Variants in RUBCNL observed in about 807,000 individuals in gnomAD.
RUBCNL encodes the protein rubicon like autophagy enhancer, also known as protein associated with UVRAG as autophagy enhancer.
RUBCNL carries 62 observed loss-of-function variants against 69.5 expected under a neutral mutation model. That is an observed-to-expected ratio of 0.89 (90% CI 0.73 to 1.10). The LOEUF (loss-of-function observed/expected upper bound fraction) is 1.10. RUBCNL is among the 50% of genes least tolerant of loss of function. The pLI, the probability that RUBCNL is intolerant of heterozygous loss-of-function variation, is 0.00. For missense variants in RUBCNL, 768 were observed against 798.1 expected (o/e 0.96, Z 0.45); for synonymous variants, 291 against 303.6 (o/e 0.96, Z 0.43).
intron 12 of RUBCNL, 64 bp from the exon 13 acceptor site, chr13:46,345,664 G>T: frequency 1.3e-6 from 2 of 1,509,690 alleles, no homozygotes; most frequent in Non-Finnish European, 1.8e-6. Context: ...GGAAGAATGG[G>T]GCCAGTTGTT....
chr13:46,381,380 T>C (rs956122740), intron 1 of RUBCNL, among the ~76,000 whole-genome samples: 6 of 152,050 alleles, frequency 3.9e-5, no homozygotes, highest in African/African-American at 1.4e-4. Flanking sequence ...TTCATATATA[T>C]ATATATATAA....
intron 8 of RUBCNL, 39 bp downstream of exon 8, chr13:46,361,402 G>T: frequency 6.2e-7 from 1 of 1,608,830 alleles, no homozygotes; most frequent in South Asian, 1.1e-5. Context: ...TGAGGATTTA[G>T]GAACTTTCAA....
chr13:46,376,842 A>G (rs2049005332), intron 2 of RUBCNL, among the ~76,000 whole-genome samples: 1 of 152,176 alleles, frequency 6.6e-6, no homozygotes, highest in South Asian at 2.1e-4. Context: ...TTTACAACTT[A>G]TCTTCTTTTT....
Position 46,372,577 on chromosome 13 carries a change from C to T in RUBCNL, c.-102G>A. On this transcript the variant is annotated 5_prime_UTR_variant, in exon 3 of 15. Coordinates refer to ENST00000429979, the MANE Select transcript of RUBCNL (RefSeq NM_025113.5). ...GGCCCTGAACTCACCACATGGCCAG[C>T]TGGGGGTCTGGAGAGCTATTCTGCA... The T allele has an allele frequency of 6.8e-7, 1 of 1,476,838 alleles. No homozygotes were observed. The highest frequency in any genetic ancestry group is 9.0e-7 in the Non-Finnish European group (1 of 1,111,514). 91.5% of individuals were successfully genotyped at this position (1,476,838 alleles called of 1,614,324 possible).
rs576633621 is a variant in RUBCNL, at chr13:46,382,036, A to C, written c.-238-4031T>G. On this transcript the variant is annotated intron_variant, in intron 1 of 14. Coordinates refer to ENST00000429979, the MANE Select transcript of RUBCNL (RefSeq NM_025113.5). ...GGTTGGTCTCAAACTCCTGGCCTCA[A>C]GCAATCCTCCCAGTTCAGCCTCCCA... Among the ~76,000 whole-genome samples the C allele has an allele frequency of 9.2e-5, 14 of 152,322 alleles. No individual in the cohort carries two copies. The South Asian group carries it at 2.9e-3, about 32-fold the overall frequency.
intron 10 of RUBCNL, among the ~76,000 whole-genome samples, chr13:46,351,514 A>G (rs1327638002): frequency 1.3e-5 from 2 of 152,230 alleles, no homozygotes; most frequent in Non-Finnish European, 2.9e-5. Flanking sequence ...TAACAGGCAC[A>G]CATAGTGATA....
chr13:46,371,322 A>G (rs1269011887), intron 3 of RUBCNL, among the ~76,000 whole-genome samples: 1 of 152,234 alleles, frequency 6.6e-6, no homozygotes, highest in African/African-American at 2.4e-5. Flanking sequence ...AGATTATAAC[A>G]ATAATAGCTA....
intron 2 of RUBCNL, among the ~76,000 whole-genome samples, chr13:46,377,168 G>A (rs1404805722): frequency 6.6e-6 from 1 of 152,130 alleles, no homozygotes. Context: ...CATATCTTTT[G>A]TGTGTTTGGT....
At chr13:46,385,665 G>GAAAAAA in intron 1 of RUBCNL, among the ~76,000 whole-genome samples, 1 of 101,132 alleles carries the variant, frequency 9.9e-6, no homozygotes, top group East Asian at 3.6e-4. Flanking sequence ...TAAAGATCAT[G>GAAAAAA]CAAAAAAAAA....
chr13:46,355,563 GCTGGGATTA>G, intron 10 of RUBCNL, among the ~76,000 whole-genome samples: 1 of 152,278 alleles, frequency 6.6e-6, no homozygotes, highest in East Asian at 1.9e-4. Flanking sequence ...CTCCCAAAGT[GCTGGGATTA>G]CAGGTGGGAG....
intron 10 of RUBCNL, among the ~76,000 whole-genome samples, chr13:46,355,105 C>T (rs1247272430): frequency 6.6e-6 from 1 of 152,154 alleles, no homozygotes; most frequent in African/African-American, 2.4e-5. Flanking sequence ...CTATTTTTAT[C>T]TCTTGAAGTA....
intron 2 of RUBCNL, among the ~76,000 whole-genome samples, chr13:46,373,461 T>C (rs2048922294): frequency 6.6e-6 from 1 of 152,236 alleles, no homozygotes; most frequent in Non-Finnish European, 1.5e-5. Context: ...GAACACAGTA[T>C]GAATCTAGAA....
At chr13:46,387,680 G>A, upstream of RUBCNL, 1 of 985,674 alleles carries the variant, frequency 1.0e-6, no homozygotes, top group Non-Finnish European at 1.2e-6. Flanking sequence ...AACTTACCCG[G>A]AACGTGAGCT....
intron 1 of RUBCNL, among the ~76,000 whole-genome samples, chr13:46,384,306 C>A (rs1259062624): frequency 2.0e-5 from 3 of 152,276 alleles, no homozygotes; most frequent in Middle Eastern, 3.4e-3. Context: ...TAGGGAAGTG[C>A]CCTAAACATA....
intron 14 of RUBCNL, among the ~76,000 whole-genome samples, chr13:46,343,706 G>A (rs2048183171): frequency 6.6e-6 from 1 of 152,082 alleles, no homozygotes; most frequent in Non-Finnish European, 1.5e-5. Context: ...ATGAACAGGA[G>A]GCTCAGAGAG....
intron 1 of RUBCNL, among the ~76,000 whole-genome samples, chr13:46,383,634 A>G (rs915274199): frequency 5.3e-5 from 8 of 152,232 alleles, no homozygotes; most frequent in African/African-American, 1.9e-4. Flanking sequence ...CTTGGTTTCT[A>G]CACAGCAACA....
Position 46,350,249 on chromosome 13 carries a change from A to G in RUBCNL, c.1433T>C (p.Met478Thr), listed in dbSNP as rs1472111872. ...ESCIPARILM[M>T]WDFKKYYVSN... is the part of the protein sequence containing the mutation. ...GACGTAGTACTTCTTGAAGTCCCAC[A>G]TCATCAGGATTCGGGCAGGGATGCA... The change falls in exon 11 of 15, where the codon ATG becomes ACG. Residue 478 changes from methionine (M) to threonine (T), a missense_variant. Coordinates refer to ENST00000429979, the MANE Select transcript of RUBCNL (RefSeq NM_025113.5). 6.3e-7 allele frequency: 1 copy of G among 1,592,054 alleles called. No individual in the cohort carries two copies.
intron 1 of RUBCNL, among the ~76,000 whole-genome samples, chr13:46,383,467 A>T (rs987696547): frequency 5.9e-5 from 9 of 152,178 alleles, no homozygotes; most frequent in Admixed American, 2.6e-4. Flanking sequence ...TCAATTCATA[A>T]CTAATGCTTA....
At chr13:46,389,567 T>C (rs1213698272), upstream of RUBCNL, among the ~76,000 whole-genome samples, 1 of 152,212 alleles carries the variant, frequency 6.6e-6, no homozygotes, top group Admixed American at 6.5e-5. This position sits in a 1 kb window ranked among gnomAD's most constrained non-coding sequence, Gnocchi z 4.2. Flanking sequence ...GGACCAAGAT[T>C]GTGGGCTTTA....
Sources: gnomAD v4.1 joint callset for allele counts (sites outside exome capture counted in the v4.1 genomes callset) on GRCh38, gnomAD v4.1.1 for gene constraint, Gnocchi (gnomAD v3.1) non-coding constraint, MANE v1.5 for transcripts, NCBI Gene and HGNC (gene_info 2026-07-23, HGNC 2026-07-21) for gene names.